REDIC1: variants seen among roughly 807,000 people sequenced by gnomAD.
REDIC1 encodes the protein HEI10 Interacting Protein 1.
chr12:39,712,178 CTGTA>C, the REDIC1 span, among the ~76,000 whole-genome samples: 37 of 134,262 alleles, frequency 2.8e-4, no homozygotes, highest in African/African-American at 1.0e-3. Flanking sequence ...GTATATATAC[CTGTA>C]TGTATATGTA....
the REDIC1 span, among the ~76,000 whole-genome samples, chr12:39,816,052 A>G: frequency 6.6e-6 from 1 of 152,202 alleles, no homozygotes; most frequent in African/African-American, 2.4e-5. Flanking sequence ...CCTAACGGTA[A>G]CATTTAAATC....
chr12:39,842,541 C>A, the REDIC1 span, among the ~76,000 whole-genome samples: 1 of 152,060 alleles, frequency 6.6e-6, no homozygotes, highest in Admixed American at 6.6e-5. Flanking sequence ...AATGGTTACA[C>A]TCCCCAGTAA....
chr12:39,835,546 T>A, the REDIC1 span: 1 of 152,270 alleles, frequency 6.6e-6, no homozygotes, highest in East Asian at 1.9e-4. Context: ...TCCTTATTGA[T>A]ACACAGTTTA....
At chr12:39,818,807 G>T in the REDIC1 span, among the ~76,000 whole-genome samples, 2 of 152,070 alleles carry the variant, frequency 1.3e-5, no homozygotes, top group African/African-American at 4.8e-5. Context: ...ATGTAGAAAA[G>T]TTTCTACATA....
chr12:39,743,516 TA>T, the REDIC1 span, among the ~76,000 whole-genome samples: 1 of 152,226 alleles, frequency 6.6e-6, no homozygotes, highest in Non-Finnish European at 1.5e-5. Context: ...AGCAGTCACG[TA>T]CCAGACTCAG....
the REDIC1 span, among the ~76,000 whole-genome samples, chr12:39,791,378 A>G: frequency 1.7e-5 from 1 of 59,746 alleles, no homozygotes; most frequent in Non-Finnish European, 3.3e-5. Context: ...GGCCAGGGCA[A>G]TCAGGCAGGA....
At chr12:39,897,506 C>G in the REDIC1 span, among the ~76,000 whole-genome samples, 6 of 152,284 alleles carry the variant, frequency 3.9e-5, no homozygotes, top group Admixed American at 1.3e-4. Context: ...ACTTCTAATT[C>G]AAAGGTTAGG....
the REDIC1 span, chr12:39,872,061 G>C: frequency 1.0e-6 from 1 of 956,672 alleles, no homozygotes; most frequent in Non-Finnish European, 1.4e-6. Flanking sequence ...AAAATATAAG[G>C]AGAACTACAG....
chr12:39,632,601 G>A, the REDIC1 span, among the ~76,000 whole-genome samples: 1 of 152,058 alleles, frequency 6.6e-6, no homozygotes, highest in South Asian at 2.1e-4. Context: ...TTGCTTAGTG[G>A]CAGGGTTACA....
the REDIC1 span, among the ~76,000 whole-genome samples, chr12:39,787,376 A>G: frequency 1.3e-5 from 2 of 152,314 alleles, no homozygotes; most frequent in African/African-American, 4.8e-5. Flanking sequence ...AGCCCCAAGG[A>G]CAGAAAGGAA....
the REDIC1 span, among the ~76,000 whole-genome samples, chr12:39,866,815 T>C: frequency 5.9e-5 from 9 of 152,324 alleles, no homozygotes; most frequent in East Asian, 3.9e-4. Flanking sequence ...TTAGTTATTA[T>C]GCTATGATTA....
the REDIC1 span, among the ~76,000 whole-genome samples, chr12:39,797,737 C>CAT: frequency 4.8e-5 from 1 of 20,652 alleles, no homozygotes; most frequent in African/African-American, 1.0e-4. Flanking sequence ...AACACACACA[C>CAT]ACACACACAC....
chr12:39,709,226 G>GT, the REDIC1 span, among the ~76,000 whole-genome samples: 160 of 142,992 alleles, frequency 1.1e-3, no homozygotes, highest in East Asian at 7.9e-3. Flanking sequence ...AGACTTATGT[G>GT]TTTTTTTTTT....
At chr12:39,680,061 G>C in the REDIC1 span, among the ~76,000 whole-genome samples, 1 of 152,164 alleles carries the variant, frequency 6.6e-6, no homozygotes, top group Non-Finnish European at 1.5e-5. Flanking sequence ...AACTCTTCTA[G>C]ACATTGGCTT....
the REDIC1 span, among the ~76,000 whole-genome samples, chr12:39,794,162 C>T: frequency 6.6e-6 from 1 of 150,660 alleles, no homozygotes; most frequent in Non-Finnish European, 1.5e-5. Flanking sequence ...AAAACAAAAC[C>T]TCCCTTCTGC....
the REDIC1 span, among the ~76,000 whole-genome samples, chr12:39,652,452 A>G: frequency 6.6e-6 from 1 of 152,052 alleles, no homozygotes; most frequent in Non-Finnish European, 1.5e-5. Context: ...GTAGTATCTC[A>G]TGTTTTTAAT....
the REDIC1 span, among the ~76,000 whole-genome samples, chr12:39,836,323 C>A: frequency 6.6e-6 from 1 of 152,052 alleles, no homozygotes; most frequent in Non-Finnish European, 1.5e-5. Flanking sequence ...AGAGTCCAGG[C>A]AAGTACAGTT....
the REDIC1 span, among the ~76,000 whole-genome samples, chr12:39,805,429 A>G: frequency 6.6e-6 from 1 of 152,026 alleles, no homozygotes; most frequent in African/African-American, 2.4e-5. Context: ...GAATCTGGGT[A>G]CATCGTGAAG....
At chr12:39,776,720 G>C in the REDIC1 span, among the ~76,000 whole-genome samples, 1 of 96,566 alleles carries the variant, frequency 1.0e-5, no homozygotes, top group South Asian at 4.5e-4. Flanking sequence ...GGGATGGGTG[G>C]AGTTGAGACA....
Sources: allele counts gnomAD v4.1 joint callset (sites outside exome capture counted in the v4.1 genomes callset), GRCh38; gene constraint gnomAD v4.1.1; transcripts MANE v1.5; gene names NCBI Gene and HGNC (gene_info 2026-07-23, HGNC 2026-07-21).